The following ATP10B variants were observed in gnomAD, a reference collection of about 807,000 sequenced individuals.
ATP10B encodes the protein ATPase phospholipid transporting 10B (putative), also known as phospholipid-transporting ATPase VB.
In ATP10B, 122 loss-of-function variants were observed where a neutral mutation model predicts 141.2. That is an observed-to-expected ratio of 0.86 (90% CI 0.75 to 1.00). The LOEUF is 1.00. Among genes scored for constraint, ATP10B ranks in the 50% least tolerant of loss-of-function variants. The pLI is 0.00. For missense variants in ATP10B, 1,876 were observed against 1,825.3 expected (o/e 1.03, Z -0.51); for synonymous variants, 685 against 692.0 (o/e 0.99, Z 0.16).
intron 25 of ATP10B, among the ~76,000 whole-genome samples, chr5:160,569,087 G>GTA (rs1754720900): frequency 6.6e-6 from 1 of 152,156 alleles, no homozygotes. Context: ...TCCAATATCT[G>GTA]TACTCCATCT....
intron 1 of ATP10B, among the ~76,000 whole-genome samples, chr5:160,813,345 A>T (rs6556526): frequency 6.6e-6 from 1 of 152,234 alleles, no homozygotes; most frequent in Non-Finnish European, 1.5e-5. Flanking sequence ...TATCCCGCGC[A>T]TGGCTTGGAG....
At chr5:160,767,634 A>ACCC (rs1561833441) in intron 2 of ATP10B, among the ~76,000 whole-genome samples, 11 of 92,298 alleles carry the variant, frequency 1.2e-4, no homozygotes, top group African/African-American at 4.3e-4. Context: ...ATGTGTGCAG[A>ACCC]ACCCCCCCCC....
chr5:160,736,252 CAAATA>C (rs1434042030), intron 2 of ATP10B, among the ~76,000 whole-genome samples: 1 of 151,862 alleles, frequency 6.6e-6, no homozygotes, highest in African/African-American at 2.4e-5. Flanking sequence ...AGAGAAGATC[CAAATA>C]AAATAATAAA....
chr5:160,662,706 T>C (rs2127715097), intron 7 of ATP10B, among the ~76,000 whole-genome samples: 1 of 152,300 alleles, frequency 6.6e-6, no homozygotes, highest in Non-Finnish European at 1.5e-5. Context: ...GAAGAAAACC[T>C]AGGCATTACC....
At chr5:160,838,706 A>G (rs529087877) in intron 1 of ATP10B, among the ~76,000 whole-genome samples, 1 of 152,284 alleles carries the variant, frequency 6.6e-6, no homozygotes, top group Admixed American at 6.5e-5. Context: ...AATCTTTTAA[A>G]TAAGAGGGTT....
At chr5:160,803,826 T>C (rs1241994900) in intron 1 of ATP10B, among the ~76,000 whole-genome samples, 2 of 152,238 alleles carry the variant, frequency 1.3e-5, no homozygotes, top group Non-Finnish European at 2.9e-5. Context: ...CTATGCAATC[T>C]CAGAATCTTT....
At chr5:160,680,367 CA>C (rs1763301814) in intron 6 of ATP10B, among the ~76,000 whole-genome samples, 1 of 152,054 alleles carries the variant, frequency 6.6e-6, no homozygotes, top group Non-Finnish European at 1.5e-5. Context: ...CTTGATATGG[CA>C]AAAGGATATG....
chr5:160,923,619 T>C, the ATP10B span, among the ~76,000 whole-genome samples: 3 of 152,224 alleles, frequency 2.0e-5, no homozygotes, highest in East Asian at 5.8e-4. Context: ...AAGCTTTAAC[T>C]AGATTTTTCT....
At chr5:160,597,829 C>G (rs1756819374) in intron 22 of ATP10B, among the ~76,000 whole-genome samples, 1 of 151,966 alleles carries the variant, frequency 6.6e-6, no homozygotes, top group Non-Finnish European at 1.5e-5. Context: ...AAATGCAAAT[C>G]AAAACCACAA....
chr5:160,785,096 T>G (rs11953648), intron 2 of ATP10B, among the ~76,000 whole-genome samples: 20,831 of 152,050 alleles, frequency 0.14, 1,514 homozygotes, highest in East Asian at 0.18. Context: ...TGGAGACTGA[T>G]GAAAGAGACA....
At chr5:160,828,313 T>A (rs981059276) in intron 1 of ATP10B, among the ~76,000 whole-genome samples, 1 of 152,216 alleles carries the variant, frequency 6.6e-6, no homozygotes, top group Non-Finnish European at 1.5e-5. Context: ...CCTACTCATC[T>A]GACAAAGGGC....
In ATP10B at chr5:160,569,600, G is replaced by A. The variant is rs749683822; in HGVS notation, c.3834C>T (p.Ile1278=). 9.3e-6 allele frequency: 15 copies of A among 1,613,630 alleles called. No homozygotes were observed. Among genetic ancestry groups the A allele is most frequent in the African/African-American group, 8.0e-5 (6 of 74,908 alleles). ...VSLLYNATCV[I]CNSPTNPYWV... ...AATAGGGATTGGTGGGGCTGTTGCA[G>A]ATGACGCAGGTGGCATTGTACAGGA... The change falls in exon 25 of 26, where the codon ATC becomes ATT. Residue 1278 remains isoleucine (I), a synonymous_variant. Coordinates refer to ENST00000327245, the MANE Select transcript of ATP10B (RefSeq NM_025153.3).
chr5:160,907,942 G>A, the ATP10B span, among the ~76,000 whole-genome samples: 75 of 152,260 alleles, frequency 4.9e-4, no homozygotes, highest in African/African-American at 1.6e-3. Flanking sequence ...CATACTCTGC[G>A]CCTCAGTGAT....
Position 160,742,599 on chromosome 5 carries a change from C to T in ATP10B, c.-330-25565G>A, listed in dbSNP as rs181611385. On this transcript the variant is annotated intron_variant, in intron 2 of 25. Coordinates refer to ENST00000327245, the MANE Select transcript of ATP10B (RefSeq NM_025153.3). ...GCAAATAGGTATTGTCAAAGAAACA[C>T]GTTCTTTTCTCCCCTGTCATTCTGA... 3.9e-5 allele frequency among the ~76,000 whole-genome samples: 6 copies of T among 152,304 alleles called. No individual in the cohort carries two copies. The East Asian group carries it at 9.6e-4, about 24-fold the overall frequency.
In ATP10B at chr5:160,815,158, G is replaced by A. The variant is rs565028588; in HGVS notation, c.-575-29355C>T. On this transcript the variant is annotated intron_variant, in intron 1 of 25. Transcript: ENST00000327245. ...CAATATTAACCTTAAATGTAAATGG[G>A]CTAAAATGCTCCAATTAAAAGACAC... Among the ~76,000 whole-genome samples the A allele has an allele frequency of 7.9e-5, 12 of 152,210 alleles. No individual in the cohort carries two copies. The South Asian group carries it at 1.0e-3, about 13-fold the overall frequency.
At chr5:160,677,048 G>A (rs1046039400) in intron 6 of ATP10B, among the ~76,000 whole-genome samples, 1 of 152,182 alleles carries the variant, frequency 6.6e-6, no homozygotes, top group Non-Finnish European at 1.5e-5. Flanking sequence ...CAGAGGTTGG[G>A]TTGAGAACAG....
chr5:160,847,032 G>C (rs953052715), intron 1 of ATP10B, among the ~76,000 whole-genome samples: 1 of 152,130 alleles, frequency 6.6e-6, no homozygotes, highest in Non-Finnish European at 1.5e-5. Flanking sequence ...TTACCTCTTC[G>C]ATTAATTCTC....
At chr5:160,595,194 T>A (rs547258462) in intron 22 of ATP10B, among the ~76,000 whole-genome samples, 53 of 152,328 alleles carry the variant, frequency 3.5e-4, no homozygotes, top group Admixed American at 7.8e-4. Context: ...AAACTGTCTC[T>A]CAGAGCACAG....
At chr5:160,715,006 T>G (rs1271456352) in intron 3 of ATP10B, among the ~76,000 whole-genome samples, 1 of 88,544 alleles carries the variant, frequency 1.1e-5, no homozygotes, top group Non-Finnish European at 2.7e-5. Flanking sequence ...GGAGAACCAC[T>G]GCTCTCTTCA....
Sources: allele counts gnomAD v4.1 joint callset (sites outside exome capture counted in the v4.1 genomes callset), GRCh38; gene constraint gnomAD v4.1.1; transcripts MANE v1.5; gene names NCBI Gene and HGNC (gene_info 2026-07-23, HGNC 2026-07-21).